The following CABLES1 variants were observed in gnomAD, a reference collection of about 807,000 sequenced individuals.
CABLES1 encodes the protein Cdk5 and Abl enzyme substrate 1, also known as CDK5 and ABL1 enzyme substrate 1.
A neutral mutation model predicts 57.8 loss-of-function variants in CABLES1; 36 were observed. That is an observed-to-expected ratio of 0.62 (90% CI 0.48 to 0.82). CABLES1 has a LOEUF of 0.82. CABLES1 is among the 40% of genes least tolerant of loss of function. The pLI, the probability that CABLES1 is intolerant of heterozygous loss-of-function variation, is 0.00. For synonymous variants in CABLES1, 374 were observed against 363.0 expected, an observed-to-expected ratio of 1.03 and a Z score of -0.35; for missense variants, 767 against 836.6, an observed-to-expected ratio of 0.92 and a Z score of 1.03.
chr18:23,200,017 T>C (rs1200309228), intron 3 of CABLES1, among the ~76,000 whole-genome samples: 1 of 152,128 alleles, frequency 6.6e-6, no homozygotes, highest in Non-Finnish European at 1.5e-5. Context: ...CAAGTAGAAC[T>C]GGAAGTGCAG....
chr18:23,148,758 G>A (rs1035028061), intron 1 of CABLES1, among the ~76,000 whole-genome samples: 5 of 152,172 alleles, frequency 3.3e-5, no homozygotes, highest in Admixed American at 3.3e-4. Context: ...CTGTGGCAAA[G>A]CACATTGGAT....
intron 3 of CABLES1, among the ~76,000 whole-genome samples, chr18:23,212,628 A>G (rs2145051398): frequency 6.6e-6 from 1 of 152,280 alleles, no homozygotes; most frequent in South Asian, 2.1e-4. Flanking sequence ...TCTAATACCC[A>G]TGCATAGATG....
At chr18:23,169,674 C>T (rs1408259931) in intron 1 of CABLES1, among the ~76,000 whole-genome samples, 1 of 152,194 alleles carries the variant, frequency 6.6e-6, no homozygotes, top group African/African-American at 2.4e-5. Flanking sequence ...TGAAAATAAA[C>T]TTTGAAGCTG....
intron 3 of CABLES1, among the ~76,000 whole-genome samples, chr18:23,199,408 A>G (rs2047307454): frequency 6.6e-6 from 1 of 152,248 alleles, no homozygotes; most frequent in African/African-American, 2.4e-5. Flanking sequence ...TTATACACCA[A>G]TGCAGTGTTA....
chr18:23,155,743 A>G (rs895491904), intron 1 of CABLES1: 1 of 1,276,162 alleles, frequency 7.8e-7, no homozygotes. Flanking sequence ...GTGGCAGTAC[A>G]TATTTTCCCC....
chr18:23,208,213 G>A (rs2047378254), intron 3 of CABLES1, among the ~76,000 whole-genome samples: 3 of 152,178 alleles, frequency 2.0e-5, no homozygotes, highest in African/African-American at 4.8e-5. Context: ...GGAACAGATC[G>A]CTCTGTGAAG....
chr18:23,164,450 A>AT (rs892163064), intron 1 of CABLES1, among the ~76,000 whole-genome samples: 43 of 149,294 alleles, frequency 2.9e-4, no homozygotes, highest in East Asian at 7.9e-4. Context: ...GTTCCTTGGT[A>AT]TTTTTTTTTT....
intron 7 of CABLES1, among the ~76,000 whole-genome samples, chr18:23,245,523 G>A (rs928913618): frequency 2.7e-5 from 4 of 149,282 alleles, no homozygotes; most frequent in African/African-American, 4.9e-5. Context: ...AAAAAAAAGC[G>A]AAATAGGTAT....
At chr18:23,246,475 T>C (rs1598868786) in intron 7 of CABLES1, among the ~76,000 whole-genome samples, 1 of 152,042 alleles carries the variant, frequency 6.6e-6, no homozygotes, top group East Asian at 2.0e-4. Flanking sequence ...CACTGCAAGC[T>C]CCGCCTCCCG....
Position 23,232,642 on chromosome 18 carries a change from TTC to T in CABLES1, c.1089-1964_1089-1963del, listed in dbSNP as rs1213896611. 2.0e-5 allele frequency among the ~76,000 whole-genome samples: 3 copies of T among 152,218 alleles called. No homozygotes were observed. The East Asian group carries it at 5.8e-4, about 29-fold the overall frequency. The stretch of plus-strand genomic sequence containing the variant: ...TGAACAGAGTTGGTTGTTGGCTTTC[TTC>T]TGCATGACTTTGGTGTCGATTCTGA... On this transcript the variant is annotated intron_variant, in intron 4 of 9. Coordinates refer to ENST00000256925, the MANE Select transcript of CABLES1 (RefSeq NM_001100619.3).
At chr18:23,184,170 G>T (rs530028875) in intron 1 of CABLES1, among the ~76,000 whole-genome samples, 1 of 152,300 alleles carries the variant, frequency 6.6e-6, no homozygotes, top group African/African-American at 2.4e-5. Flanking sequence ...ATACTGGTTG[G>T]TTCCATTCAC....
intron 7 of CABLES1, among the ~76,000 whole-genome samples, chr18:23,245,376 T>A (rs1177465295): frequency 6.6e-6 from 1 of 151,916 alleles, no homozygotes; most frequent in Non-Finnish European, 1.5e-5. Context: ...CCAGGCGTGG[T>A]GGCGTGCACC....
chr18:23,214,180 G>A, intron 4 of CABLES1, 126 bp downstream of exon 4: 4 of 628,476 alleles, frequency 6.4e-6, no homozygotes, highest in Non-Finnish European at 2.8e-6. Context: ...TTCAGTATTT[G>A]TACACTGGAA....
chr18:23,222,101 C>T (rs1189267258), intron 4 of CABLES1, among the ~76,000 whole-genome samples: 1 of 152,134 alleles, frequency 6.6e-6, no homozygotes, highest in African/African-American at 2.4e-5. Flanking sequence ...CTTTGTGGTC[C>T]CCCAGACTTA....
rs187808100 is a variant in CABLES1 at position 23,151,168 on chromosome 18, G to A, written c.845+14561G>A. On this transcript the variant is annotated intron_variant, in intron 1 of 9. Transcript: ENST00000256925. ...CGAGTAGCTGGGACTACAGGCACCC[G>A]CCACCACGCCCGGCTAATTTTTGTA... Among the ~76,000 whole-genome samples, 1,067 of 151,990 alleles carry A rather than the reference G, an allele frequency of 7.0e-3. 8 individuals are homozygous for A. The highest frequency in any genetic ancestry group is 0.023 in the African/African-American group (941 of 41,432).
At chr18:23,146,285 T>C (rs2046891118) in intron 1 of CABLES1, among the ~76,000 whole-genome samples, 1 of 152,196 alleles carries the variant, frequency 6.6e-6, no homozygotes, top group Non-Finnish European at 1.5e-5. Context: ...AAACGGTTGA[T>C]GTGATGTTGA....
At position 23,135,714 on chromosome 18, in the gene CABLES1, G is replaced by A. The variant is rs2046813203; in HGVS notation, c.-49G>A. On this transcript the variant is annotated 5_prime_UTR_variant, in exon 1 of 10. Coordinates refer to ENST00000256925, the MANE Select transcript of CABLES1 (RefSeq NM_001100619.3). The stretch of plus-strand genomic sequence containing the variant: ...CGCGCCCGCCGCTTAGCGCTCGGGC[G>A]CCGCTCGCTTCTCCGGGCATCGCGG... The A allele has an allele frequency of 1.0e-6, 1 of 985,144 alleles. No homozygotes were observed. The allele number at this position is 985,144 out of a possible 1,614,324, so 61.0% of individuals were successfully genotyped here. A position where few individuals can be genotyped will look rare whatever the true frequency, so the allele number is the denominator to read the frequency against.
At chr18:23,180,245 C>T (rs1252833520) in intron 1 of CABLES1, among the ~76,000 whole-genome samples, 1 of 152,016 alleles carries the variant, frequency 6.6e-6, no homozygotes, top group Non-Finnish European at 1.5e-5. Context: ...TTTAAGTGAG[C>T]GCAGTCTGAT....
chr18:23,155,758 G>T, intron 1 of CABLES1: 1 of 1,426,650 alleles, frequency 7.0e-7, no homozygotes, highest in Non-Finnish European at 9.3e-7. Context: ...TTCCCCTATG[G>T]CTTTAAGAAA....
Sources: allele counts gnomAD v4.1 joint callset (sites outside exome capture counted in the v4.1 genomes callset), GRCh38; gene constraint gnomAD v4.1.1; transcripts MANE v1.5; gene names NCBI Gene and HGNC (gene_info 2026-07-23, HGNC 2026-07-21).